The following CLEC2B variants were observed in gnomAD, a reference collection of about 807,000 sequenced individuals.
CLEC2B encodes the protein C-type lectin domain family 2 member B.
A neutral mutation model predicts 16.2 loss-of-function variants in CLEC2B; 14 were observed. The observed-to-expected ratio is 0.86, with a 90% confidence interval of 0.57 to 1.35. CLEC2B has a LOEUF of 1.35. CLEC2B is among the 40% of genes most tolerant of loss of function. The pLI is 0.00. For synonymous variants in CLEC2B, 42 were observed against 55.8 expected (o/e 0.75, Z 1.10); for missense variants, 166 against 182.3 (o/e 0.91, Z 0.52).
chr12:9,853,247 T>C lies in CLEC2B; in HGVS notation c.*53A>G, dbSNP rs923225134. ...TTTAATTAAAAAAGTACTTTGCTGG[T>C]TTTACACTTAATAATGTTATTTTCT... On this transcript the variant is annotated 3_prime_UTR_variant, in exon 5 of 5. Transcript: ENST00000228438. 7.2e-7 allele frequency: 1 copy of C among 1,384,278 alleles called. No homozygotes were observed. Among genetic ancestry groups the C allele is most frequent in the East Asian group, 2.3e-5 (1 of 43,446 alleles). 85.7% of individuals were successfully genotyped at this position (1,384,278 alleles called of 1,614,324 possible).
chr12:9,861,500 A>G (rs1013926596), intron 2 of CLEC2B, among the ~76,000 whole-genome samples: 1 of 152,172 alleles, frequency 6.6e-6, no homozygotes, highest in African/African-American at 2.4e-5. Context: ...GGTAAAATAC[A>G]CTTAAGCTAA....
Position 9,855,648 on chromosome 12 carries a change from C to A in CLEC2B, c.238-1164G>T, listed in dbSNP as rs978962380. 3.3e-5 allele frequency among the ~76,000 whole-genome samples: 5 copies of A among 151,744 alleles called. No individual in the cohort carries two copies. In the South Asian group the frequency reaches 1.0e-3, roughly 32 times the overall value. ...ATTCATAGTCTAGACTCAGGAAAGGCTTCAGGAGAGAGCTTGACTGGTCTT... is the reference window on the plus strand; with the variant it reads ...ATTCATAGTCTAGACTCAGGAAAGGATTCAGGAGAGAGCTTGACTGGTCTT... On this transcript the variant is annotated intron_variant, in intron 3 of 4. Transcript: ENST00000228438.
intron 1 of CLEC2B, among the ~76,000 whole-genome samples, chr12:9,868,181 A>T (rs1867986166): frequency 6.6e-6 from 1 of 150,518 alleles, no homozygotes. Context: ...TATATAATGT[A>T]TTTATATACA....
chr12:9,855,905 A>G (rs1486947284), intron 3 of CLEC2B, among the ~76,000 whole-genome samples: 1 of 152,094 alleles, frequency 6.6e-6, no homozygotes, highest in African/African-American at 2.4e-5. Flanking sequence ...TACAATTCTT[A>G]TGTAAATTTC....
chr12:9,860,941 A>G (rs192543140), intron 2 of CLEC2B, among the ~76,000 whole-genome samples: 2 of 152,048 alleles, frequency 1.3e-5, no homozygotes, highest in East Asian at 3.9e-4. Context: ...ATCTCCTAAA[A>G]TTTATAAAAA....
At position 9,853,389 on chromosome 12, in the gene CLEC2B, C is replaced by T. The variant is rs752319934; in HGVS notation, c.361G>A (p.Glu121Lys). The T allele has an allele frequency of 1.2e-6, 2 of 1,613,766 alleles. No individual in the cohort carries two copies. The highest frequency in any genetic ancestry group is 2.2e-5 in the East Asian group (1 of 44,894). Residue 121 changes from glutamate to lysine, a missense_variant, in exon 5 of 5, where the codon GAA becomes AAA. By Grantham distance (56) the Glu-to-Lys change is moderately conservative. Transcript: ENST00000228438. ...TCATCGCTGAGGTAGGCACATCCTTCACTCCCTCTCATGCCAAACCTGCAA... is the reference window on the plus strand; with the variant it reads ...TCATCGCTGAGGTAGGCACATCCTTTACTCCCTCTCATGCCAAACCTGCAA... Reference protein sequence around the residue: ...FTKSFGMRGSEGCAYLSDDGA... With the variant: ...FTKSFGMRGSKGCAYLSDDGA...
intron 2 of CLEC2B, among the ~76,000 whole-genome samples, chr12:9,860,539 A>G (rs928579829): frequency 1.3e-5 from 2 of 151,834 alleles, no homozygotes; most frequent in Admixed American, 1.3e-4. Flanking sequence ...TTTTAAATGT[A>G]TGATTCAATA....
chr12:9,862,765 CA>C (rs1203177745), intron 1 of CLEC2B, among the ~76,000 whole-genome samples, 192 bp from the exon 2 acceptor site: 1 of 152,128 alleles, frequency 6.6e-6, no homozygotes, highest in South Asian at 2.1e-4. Flanking sequence ...GAAAAACCAA[CA>C]AAAAACTCCA....
intron 1 of CLEC2B, among the ~76,000 whole-genome samples, chr12:9,868,179 G>T (rs1170726450): frequency 6.7e-6 from 1 of 150,082 alleles, no homozygotes; most frequent in Admixed American, 6.7e-5. Context: ...ATTATATAAT[G>T]TATTTATATA....
chr12:9,857,721 G>C, intron 2 of CLEC2B, 84 bp from the exon 3 acceptor site: 1 of 1,046,512 alleles, frequency 9.6e-7, no homozygotes, highest in South Asian at 1.5e-5. Context: ...ACAGGTTTTT[G>C]ATGTAAAAGA....
intron 2 of CLEC2B, among the ~76,000 whole-genome samples, chr12:9,862,257 G>T (rs913010431): frequency 2.6e-5 from 4 of 151,960 alleles, no homozygotes; most frequent in Admixed American, 2.6e-4. Flanking sequence ...ATTAACATAG[G>T]CAAGAAAGTG....
chr12:9,857,766 T>C (rs1867905783), intron 2 of CLEC2B, 129 bp from the exon 3 acceptor site: 1 of 720,704 alleles, frequency 1.4e-6, no homozygotes, highest in South Asian at 1.8e-5. Context: ...ATCTATTATA[T>C]GATAAGTTGA....
At chr12:9,863,851 A>T (rs1218407930) in intron 1 of CLEC2B, among the ~76,000 whole-genome samples, 1 of 152,164 alleles carries the variant, frequency 6.6e-6, no homozygotes, top group African/African-American at 2.4e-5. Context: ...TTTAAGAGAG[A>T]GTCAAACCAG....
chr12:9,862,403 G>A (rs1033008441), intron 2 of CLEC2B, 96 bp downstream of exon 2: 5 of 1,075,684 alleles, frequency 4.6e-6, no homozygotes, highest in Non-Finnish European at 6.3e-6. Context: ...ATAATGGGAA[G>A]ATAATGAGAT....
Position 9,853,087 on chromosome 12 carries a change from G to GAGAAAGAAAGAA in CLEC2B, c.*212_*213insTTCTTTCTTTCT. 1 of 345,408 alleles carries GAGAAAGAAAGAA rather than the reference G, an allele frequency of 2.9e-6. No homozygotes were observed. The allele number at this position is 345,408 out of a possible 1,614,324, so 21.4% of individuals were successfully genotyped here. A position where few individuals can be genotyped will look rare whatever the true frequency, so the allele number is the denominator to read the frequency against. ...AAAGAAAGAAAGAAAGAAAGAAAGA[G>GAGAAAGAAAGAA]AGAGAGAGAAAGAAAGAAAGAAAAA... On this transcript the variant is annotated 3_prime_UTR_variant, in exon 5 of 5. Transcript: ENST00000228438.
chr12:9,854,448 A>G lies in CLEC2B; in HGVS notation c.274T>C (p.Trp92Arg). 6.2e-7 allele frequency: 1 copy of G among 1,613,642 alleles called. No individual in the cohort carries two copies. Among genetic ancestry groups the G allele is most frequent in the Non-Finnish European group, 8.5e-7 (1 of 1,179,614 alleles). ...LRRYKCSSDH[W>R]IGLKMAKNRT... is the part of the protein sequence containing the mutation. ...TTTTTTGCCATCTTCAGTCCAATCC[A>G]GTGATCAGAACTGCATTTATACCGC... Residue 92 changes from tryptophan to arginine, a missense_variant, in exon 4 of 5, where the codon TGG becomes CGG. Physicochemically the swap from Trp to Arg is moderately radical, Grantham distance 101. Transcript: ENST00000228438.
chr12:9,863,155 T>TGG, intron 1 of CLEC2B, among the ~76,000 whole-genome samples: 1 of 152,202 alleles, frequency 6.6e-6, no homozygotes, highest in South Asian at 2.1e-4. Context: ...CTTCCCACAC[T>TGG]ACTGGGATAT....
At chr12:9,857,099 A>G (rs1867899249) in intron 3 of CLEC2B, 1 of 169,398 alleles carries the variant, frequency 5.9e-6, no homozygotes, top group African/African-American at 2.4e-5. Flanking sequence ...ACAGGCAGCA[A>G]AACAAAATGG....
chr12:9,861,186 CAA>C (rs1291751622), intron 2 of CLEC2B, among the ~76,000 whole-genome samples: 1 of 151,882 alleles, frequency 6.6e-6, no homozygotes, highest in Non-Finnish European at 1.5e-5. Context: ...CTATAAACTA[CAA>C]AGAGTCTCAT....
Sources: allele counts gnomAD v4.1 joint callset (sites outside exome capture counted in the v4.1 genomes callset), GRCh38; gene constraint gnomAD v4.1.1; transcripts MANE v1.5; gene names NCBI Gene and HGNC (gene_info 2026-07-23, HGNC 2026-07-21).